The following HEMK2 variants were observed in gnomAD, a reference collection of about 807,000 sequenced individuals.
The protein encoded by HEMK2 is HemK methyltransferase 2, ETF1 glutamine and histone H4 lysine.
At chr21:28,592,791 C>A in the HEMK2 span, among the ~76,000 whole-genome samples, 1 of 152,204 alleles carries the variant, frequency 6.6e-6, no homozygotes, top group Non-Finnish European at 1.5e-5. Context: ...TGTTGTTTAA[C>A]AGCTGATCCA....
the HEMK2 span, among the ~76,000 whole-genome samples, chr21:28,633,731 A>G: frequency 6.6e-6 from 1 of 152,212 alleles, no homozygotes; most frequent in African/African-American, 2.4e-5. Flanking sequence ...CTACCAGGTT[A>G]CAAATTCCCA....
chr21:28,657,647 G>A, the HEMK2 span, among the ~76,000 whole-genome samples: 2 of 152,030 alleles, frequency 1.3e-5, no homozygotes, highest in African/African-American at 2.4e-5. Flanking sequence ...AACTTGGAAG[G>A]TTATTCTTTT....
the HEMK2 span, among the ~76,000 whole-genome samples, chr21:28,760,645 C>T: frequency 5.3e-5 from 8 of 152,144 alleles, no homozygotes; most frequent in East Asian, 1.9e-4. Flanking sequence ...GAACACTTTC[C>T]GTATCATTCT....
At chr21:28,829,525 A>G in the HEMK2 span, among the ~76,000 whole-genome samples, 1 of 152,212 alleles carries the variant, frequency 6.6e-6, no homozygotes, top group East Asian at 1.9e-4. Flanking sequence ...GGTCCCTGAT[A>G]GATACCAGTG....
chr21:28,661,785 T>C, the HEMK2 span, among the ~76,000 whole-genome samples: 1 of 152,254 alleles, frequency 6.6e-6, no homozygotes, highest in East Asian at 1.9e-4. Flanking sequence ...GTGTGGCTAT[T>C]GAGTGCTTGA....
the HEMK2 span, among the ~76,000 whole-genome samples, chr21:28,637,383 A>G: frequency 1.3e-5 from 2 of 152,184 alleles, no homozygotes; most frequent in African/African-American, 4.8e-5. Context: ...AAGGGATTAA[A>G]AGATCACTTG....
At chr21:28,765,976 A>T in the HEMK2 span, among the ~76,000 whole-genome samples, 1 of 152,142 alleles carries the variant, frequency 6.6e-6, no homozygotes, top group African/African-American at 2.4e-5. Context: ...ATGCAGCCAT[A>T]AAAAAGAATG....
At chr21:28,697,087 T>C in the HEMK2 span, among the ~76,000 whole-genome samples, 2 of 152,228 alleles carry the variant, frequency 1.3e-5, no homozygotes, top group African/African-American at 4.8e-5. Context: ...CTGGAGACAT[T>C]TTCCCTGTTG....
the HEMK2 span, among the ~76,000 whole-genome samples, chr21:28,632,114 A>G: frequency 3.3e-5 from 5 of 152,360 alleles, no homozygotes; most frequent in South Asian, 1.0e-3. Context: ...TGTTAAAACA[A>G]TGAGTGAGTT....
the HEMK2 span, among the ~76,000 whole-genome samples, chr21:28,615,228 G>C: frequency 6.6e-6 from 1 of 152,168 alleles, no homozygotes; most frequent in Non-Finnish European, 1.5e-5. Context: ...GACGCAGGGA[G>C]TAAGATGCTG....
the HEMK2 span, among the ~76,000 whole-genome samples, chr21:28,850,687 C>T: frequency 6.6e-6 from 1 of 152,154 alleles, no homozygotes; most frequent in African/African-American, 2.4e-5. Flanking sequence ...AACAAAAGAC[C>T]ATTACTGGCC....
chr21:28,766,650 AC>A, the HEMK2 span, among the ~76,000 whole-genome samples: 1 of 152,118 alleles, frequency 6.6e-6, no homozygotes, highest in Admixed American at 6.5e-5. Flanking sequence ...CGGTATATAT[AC>A]ACCATGGAAT....
chr21:28,596,249 C>T, the HEMK2 span, among the ~76,000 whole-genome samples: 1 of 152,016 alleles, frequency 6.6e-6, no homozygotes, highest in Non-Finnish European at 1.5e-5. Flanking sequence ...AATCTCCTGA[C>T]CTTGTGATCC....
At chr21:28,577,969 C>T in the HEMK2 span, among the ~76,000 whole-genome samples, 1 of 152,194 alleles carries the variant, frequency 6.6e-6, no homozygotes, top group Non-Finnish European at 1.5e-5. Context: ...AACCTTTACT[C>T]TCTGTTAAAG....
the HEMK2 span, among the ~76,000 whole-genome samples, chr21:28,832,490 T>C: frequency 6.6e-6 from 1 of 152,230 alleles, no homozygotes; most frequent in Non-Finnish European, 1.5e-5. Flanking sequence ...ACAAATTTAA[T>C]AGCAGTAGTA....
chr21:28,614,028 G>C, the HEMK2 span, among the ~76,000 whole-genome samples: 1 of 152,180 alleles, frequency 6.6e-6, no homozygotes, highest in Non-Finnish European at 1.5e-5. Flanking sequence ...CCTGTCTCTT[G>C]CATACATATT....
the HEMK2 span, among the ~76,000 whole-genome samples, chr21:28,858,033 G>C: frequency 6.6e-6 from 1 of 152,048 alleles, no homozygotes; most frequent in Non-Finnish European, 1.5e-5. Context: ...TTCTATCCTT[G>C]GTCTTATCTT....
the HEMK2 span, among the ~76,000 whole-genome samples, chr21:28,755,075 A>G: frequency 1.3e-5 from 2 of 152,202 alleles, no homozygotes; most frequent in East Asian, 3.9e-4. Flanking sequence ...AGGCAGCAGC[A>G]TGGGTGTGTG....
At chr21:28,878,808 T>C in the HEMK2 span, among the ~76,000 whole-genome samples, 1 of 151,400 alleles carries the variant, frequency 6.6e-6, no homozygotes, top group Non-Finnish European at 1.5e-5. Flanking sequence ...CAGCTTGTTT[T>C]ATAAGAGACC....
Sources: allele counts gnomAD v4.1 joint callset (sites outside exome capture counted in the v4.1 genomes callset), GRCh38; gene constraint gnomAD v4.1.1; transcripts MANE v1.5; gene names NCBI Gene and HGNC (gene_info 2026-07-23, HGNC 2026-07-21).